The following CNOT2 variants were observed in gnomAD, a reference collection of about 807,000 sequenced individuals.
CNOT2 encodes the protein CC chemokine receptor 4-negative regulator of transcription 2.
A neutral mutation model predicts 72.1 loss-of-function variants in CNOT2; 7 were observed. The observed-to-expected ratio is 0.10, with a 90% CI of 0.06 to 0.18. CNOT2 has a LOEUF of 0.18. Among genes scored for constraint, CNOT2 ranks in the 10% least tolerant of loss-of-function variants. The pLI, the probability that CNOT2 is intolerant of heterozygous loss-of-function variation, is 1.00. For missense variants in CNOT2, 345 were observed against 660.3 expected (o/e 0.52, Z 5.23); for synonymous variants, 196 against 225.6 (o/e 0.87, Z 1.17).
chr12:70,328,218 A>T (rs17814145), intron 4 of CNOT2, among the ~76,000 whole-genome samples: 11,850 of 151,982 alleles, frequency 0.078, 581 homozygotes, highest in Admixed American at 0.15. Context: ...ACAAGCTGAG[A>T]TACAGGCTGC....
chr12:70,256,351 T>G (rs1296543762), intron 1 of CNOT2, among the ~76,000 whole-genome samples: 1 of 152,164 alleles, frequency 6.6e-6, no homozygotes, highest in Non-Finnish European at 1.5e-5. Flanking sequence ...GAGAAGTTTT[T>G]AATATACTTT....
chr12:70,317,359 A>G (rs1331935851), intron 3 of CNOT2, among the ~76,000 whole-genome samples: 1 of 152,048 alleles, frequency 6.6e-6, no homozygotes, highest in East Asian at 1.9e-4. Context: ...TTCTGTGATC[A>G]ACTAAAGCTT....
intron 2 of CNOT2, among the ~76,000 whole-genome samples, chr12:70,305,128 C>T (rs148981186): frequency 6.8e-4 from 103 of 152,352 alleles, no homozygotes; most frequent in Non-Finnish European, 5.0e-4. Flanking sequence ...CCGGGTGAGG[C>T]GATGCCCCGC....
intron 1 of CNOT2, among the ~76,000 whole-genome samples, chr12:70,271,103 T>C (rs1236553355): frequency 2.6e-5 from 4 of 152,182 alleles, no homozygotes; most frequent in African/African-American, 9.6e-5. Flanking sequence ...TCAGATTCTT[T>C]CTGTTTGTTC....
chr12:70,308,555 T>TTCTTTCTTTCTC (rs1555199527), intron 2 of CNOT2, among the ~76,000 whole-genome samples: 1 of 134,256 alleles, frequency 7.4e-6, no homozygotes, highest in South Asian at 2.5e-4. Flanking sequence ...TTGGTATATT[T>TTCTTTCTTTCTC]TCTCTCTCTC....
Position 70,314,443 on chromosome 12 carries a change from A to G in CNOT2, c.171+3426A>G, listed in dbSNP as rs183027999. On this transcript the variant is annotated intron_variant, in intron 3 of 15. Coordinates refer to ENST00000229195, the MANE Select transcript of CNOT2 (RefSeq NM_014515.7). ...TTAGTGTTTGTGAGGGGGGCACTGA[A>G]GTGACTGCTGTAATTAAGACAGACT... 9.1e-4 allele frequency among the ~76,000 whole-genome samples: 139 copies of G among 152,214 alleles called. 3 individuals carry two copies. Among genetic ancestry groups the G allele is most frequent in the Admixed American group, 7.7e-3 (117 of 15,286 alleles).
chr12:70,302,975 C>T (rs549842005), intron 2 of CNOT2, among the ~76,000 whole-genome samples: 6 of 152,234 alleles, frequency 3.9e-5, no homozygotes, highest in African/African-American at 1.4e-4. Flanking sequence ...GTGTAATGGC[C>T]TTCTTTGTCT....
chr12:70,256,147 G>C (rs1219213560), intron 1 of CNOT2, among the ~76,000 whole-genome samples: 1 of 152,218 alleles, frequency 6.6e-6, no homozygotes, highest in Admixed American at 6.5e-5. Flanking sequence ...GATGAAGAAG[G>C]CTTTTATTTC....
At chr12:70,306,236 A>G (rs1229403989) in intron 2 of CNOT2, among the ~76,000 whole-genome samples, 3 of 152,002 alleles carry the variant, frequency 2.0e-5, no homozygotes, top group Non-Finnish European at 4.4e-5. Context: ...GCTCACTGCA[A>G]CCTCCACCTC....
chr12:70,305,408 G>C (rs540517700), intron 2 of CNOT2, among the ~76,000 whole-genome samples: 2 of 152,160 alleles, frequency 1.3e-5, no homozygotes, highest in Non-Finnish European at 2.9e-5. Flanking sequence ...TCTGCGACAC[G>C]TGGGGATTAT....
intron 6 of CNOT2, 66 bp from the exon 7 acceptor site, chr12:70,332,701 C>G: frequency 2.0e-6 from 3 of 1,489,264 alleles, no homozygotes; most frequent in Non-Finnish European, 2.7e-6. Context: ...ATACACACTT[C>G]TGTTTTTCTT....
At chr12:70,344,412 A>G (rs537141631) in intron 14 of CNOT2, 184 bp downstream of exon 14, 9 of 507,732 alleles carry the variant, frequency 1.8e-5, no homozygotes, top group South Asian at 3.0e-5. Context: ...TTCATAATCT[A>G]TATACCTAAA....
intron 1 of CNOT2, among the ~76,000 whole-genome samples, chr12:70,270,852 A>T (rs1959197794): frequency 6.6e-6 from 1 of 152,192 alleles, no homozygotes; most frequent in Non-Finnish European, 1.5e-5. Flanking sequence ...TAAGTGAATA[A>T]AATATGAGCA....
chr12:70,278,451 C>T, intron 2 of CNOT2, 177 bp downstream of exon 2: 1 of 491,710 alleles, frequency 2.0e-6, no homozygotes, highest in Middle Eastern at 5.2e-4. Flanking sequence ...GAACACTTTT[C>T]AAAATAAAGC....
chr12:70,272,339 C>T (rs1402702137), intron 1 of CNOT2, among the ~76,000 whole-genome samples: 1 of 152,074 alleles, frequency 6.6e-6, no homozygotes, highest in Non-Finnish European at 1.5e-5. Flanking sequence ...GAAGGCCTTT[C>T]TGAAAAGAGA....
At chr12:70,320,353 C>T (rs1229547494) in intron 4 of CNOT2, among the ~76,000 whole-genome samples, 1 of 151,612 alleles carries the variant, frequency 6.6e-6, no homozygotes, top group African/African-American at 2.4e-5. Context: ...CAAATTGATT[C>T]GAAGTGGGAG....
At chr12:70,348,861 A>G (rs760507090) in intron 15 of CNOT2, among the ~76,000 whole-genome samples, 2 of 151,874 alleles carry the variant, frequency 1.3e-5, no homozygotes, top group African/African-American at 2.4e-5. Context: ...TTTATATATT[A>G]TATATAAAAC....
At chr12:70,283,106 A>G (rs376403066) in intron 2 of CNOT2, among the ~76,000 whole-genome samples, 11 of 152,314 alleles carry the variant, frequency 7.2e-5, no homozygotes, top group African/African-American at 2.4e-4. Flanking sequence ...ATAAACAGTT[A>G]AGTGTATTTC....
intron 5 of CNOT2, 200 bp downstream of exon 5, chr12:70,329,770 CTGG>C: frequency 1.9e-6 from 1 of 526,332 alleles, no homozygotes; most frequent in Non-Finnish European, 3.4e-6. Context: ...AGCTCGCATA[CTGG>C]TTGTCAGTGG....
Sources: gnomAD v4.1 joint callset for allele counts (sites outside exome capture counted in the v4.1 genomes callset) on GRCh38, gnomAD v4.1.1 for gene constraint, MANE v1.5 for transcripts, NCBI Gene and HGNC (gene_info 2026-07-23, HGNC 2026-07-21) for gene names.